PBX3: variants seen among roughly 807,000 people sequenced by gnomAD.
PBX3 encodes the protein PBX homeobox 3.
In PBX3, 14 loss-of-function variants were observed where a neutral mutation model predicts 48.5. The ratio of observed to expected loss-of-function variants is 0.29; its 90% CI spans 0.19 to 0.45. PBX3 has a LOEUF of 0.45. Among genes scored for constraint, PBX3 ranks in the 20% least tolerant of loss-of-function variants. The pLI, the probability that PBX3 is intolerant of heterozygous loss-of-function variation, is 1.00. For missense variants in PBX3, 386 were observed against 546.7 expected, an observed-to-expected ratio of 0.71 and a Z score of 2.93; for synonymous variants, 210 against 200.3, an observed-to-expected ratio of 1.05 and a Z score of -0.41.
chr9:125,926,903 C>T (rs1374706752), intron 3 of PBX3, among the ~76,000 whole-genome samples: 1 of 152,090 alleles, frequency 6.6e-6, no homozygotes, highest in Non-Finnish European at 1.5e-5. Flanking sequence ...TTGGTTTCTG[C>T]CTTCAACTTC....
intron 3 of PBX3, among the ~76,000 whole-genome samples, chr9:125,918,412 ACATGTATATGC>A (rs1841381878): frequency 6.6e-6 from 1 of 152,176 alleles, no homozygotes; most frequent in Non-Finnish European, 1.5e-5. Context: ...TTTAAAATAT[ACATGTATATGC>A]ATGTTCTTCA....
intron 2 of PBX3, among the ~76,000 whole-genome samples, chr9:125,854,097 A>G (rs11789020): frequency 0.54 from 81,701 of 151,902 alleles, 23,145 homozygotes; most frequent in South Asian, 0.63. Context: ...ACCAATATAG[A>G]CCTGCTATTT....
intron 2 of PBX3, among the ~76,000 whole-genome samples, chr9:125,901,460 G>C (rs974868610): frequency 6.6e-5 from 10 of 151,598 alleles, no homozygotes; most frequent in Admixed American, 4.0e-4. Flanking sequence ...TCTTAATGAA[G>C]CCTGAAGTTA....
chr9:125,899,580 G>A (rs1840893264), intron 2 of PBX3, among the ~76,000 whole-genome samples: 1 of 150,446 alleles, frequency 6.6e-6, no homozygotes, highest in Non-Finnish European at 1.5e-5. Flanking sequence ...AAATGCAGTT[G>A]ATAGTCTTAC....
At chr9:125,848,904 T>C (rs1468181904) in intron 2 of PBX3, among the ~76,000 whole-genome samples, 3 of 152,016 alleles carry the variant, frequency 2.0e-5, no homozygotes, top group African/African-American at 4.8e-5. Context: ...GTCAAGTATC[T>C]ATTAGCTTTT....
rs74992715 is a variant in PBX3, at chr9:125,801,585, A to G, written c.274+52962A>G. 3.5e-3 allele frequency among the ~76,000 whole-genome samples: 528 copies of G among 152,216 alleles called. 3 individuals are homozygous for G. Among genetic ancestry groups the G allele is most frequent in the African/African-American group, 0.012 (510 of 41,526 alleles). On this transcript the variant is annotated intron_variant, in intron 2 of 8. Coordinates refer to ENST00000373489, the MANE Select transcript of PBX3 (RefSeq NM_006195.6). The stretch of plus-strand genomic sequence containing the variant: ...TAAGAAAATGCTGTTCCTGATAAAG[A>G]TTTTTTGCAGAAATTTCTCTCCCTT...
At chr9:125,826,281 A>C (rs1838804829) in intron 2 of PBX3, among the ~76,000 whole-genome samples, 1 of 152,180 alleles carries the variant, frequency 6.6e-6, no homozygotes, top group Non-Finnish European at 1.5e-5. Flanking sequence ...TTTAAATTCA[A>C]ATAATTTATT....
intron 2 of PBX3, among the ~76,000 whole-genome samples, chr9:125,899,489 C>A (rs1295174234): frequency 1.0e-4 from 14 of 138,792 alleles, no homozygotes; most frequent in South Asian, 2.4e-4. Flanking sequence ...AGAGAGAGAG[C>A]TCACCCACAG....
intron 2 of PBX3, among the ~76,000 whole-genome samples, chr9:125,796,670 A>G (rs1231711238): frequency 6.6e-6 from 1 of 151,944 alleles, no homozygotes; most frequent in African/African-American, 2.4e-5. Context: ...GAGCCCATCC[A>G]CTCCAAGGAG....
chr9:125,961,845 T>A (rs1287041061), intron 6 of PBX3, among the ~76,000 whole-genome samples: 1 of 152,218 alleles, frequency 6.6e-6, no homozygotes, highest in Non-Finnish European at 1.5e-5. Context: ...CTTTTTAATT[T>A]ATTTTGATTT....
chr9:125,898,939 A>C (rs1840840178), intron 2 of PBX3, among the ~76,000 whole-genome samples: 3 of 151,620 alleles, frequency 2.0e-5, no homozygotes, highest in Admixed American at 1.3e-4. Flanking sequence ...ATGAAATAGA[A>C]ATGGTTGAAT....
At chr9:125,959,421 G>A (rs1213557555) in intron 5 of PBX3, among the ~76,000 whole-genome samples, 2 of 152,250 alleles carry the variant, frequency 1.3e-5, no homozygotes, top group Non-Finnish European at 2.9e-5. Context: ...ATAATCCCCA[G>A]GATGGACAGC....
In PBX3 at chr9:125,892,834, G is replaced by A. The variant is rs575805067; in HGVS notation, c.275-22852G>A. On this transcript the variant is annotated intron_variant, in intron 2 of 8. Coordinates refer to ENST00000373489, the MANE Select transcript of PBX3 (RefSeq NM_006195.6). ...TGGAAATAGGAATTGAAATGATTTA[G>A]GTTTGGAGGCTGAATATTTGCTTTG... 4.6e-5 allele frequency among the ~76,000 whole-genome samples: 7 copies of A among 152,270 alleles called. No homozygotes were observed. In the South Asian group the frequency reaches 1.2e-3, roughly 27 times the overall value.
At chr9:125,843,870 C>A (rs1839354540) in intron 2 of PBX3, 1 of 454,408 alleles carries the variant, frequency 2.2e-6, no homozygotes, top group African/African-American at 2.0e-5. Flanking sequence ...TTAATGGGGT[C>A]ATTTGGAAGG....
intron 2 of PBX3, among the ~76,000 whole-genome samples, chr9:125,761,246 C>A (rs1588122826): frequency 6.7e-6 from 1 of 150,272 alleles, no homozygotes; most frequent in South Asian, 2.1e-4. Context: ...TAGCTACATT[C>A]TTTATTATGG....
intron 2 of PBX3, among the ~76,000 whole-genome samples, chr9:125,792,859 C>A (rs1004093668): frequency 6.6e-6 from 1 of 151,568 alleles, no homozygotes; most frequent in Non-Finnish European, 1.5e-5. Flanking sequence ...CCACCACGCC[C>A]GGCTAATTTT....
chr9:125,761,659 C>G (rs1836670914), intron 2 of PBX3, among the ~76,000 whole-genome samples: 1 of 152,102 alleles, frequency 6.6e-6, no homozygotes, highest in South Asian at 2.1e-4. Context: ...CCCTACCTTT[C>G]TAATAAAGTG....
intron 2 of PBX3, among the ~76,000 whole-genome samples, chr9:125,798,719 A>G (rs989116806): frequency 4.6e-5 from 7 of 152,238 alleles, no homozygotes; most frequent in South Asian, 2.1e-4. Context: ...TCTTCCTGGT[A>G]ACACATATAT....
At chr9:125,896,703 A>G (rs995541424) in intron 2 of PBX3, among the ~76,000 whole-genome samples, 5 of 152,036 alleles carry the variant, frequency 3.3e-5, no homozygotes, top group Admixed American at 6.6e-5. Flanking sequence ...TTAACCTGCA[A>G]GCTAATTAGC....
Sources: allele counts gnomAD v4.1 joint callset (sites outside exome capture counted in the v4.1 genomes callset), GRCh38; gene constraint gnomAD v4.1.1; transcripts MANE v1.5; gene names NCBI Gene and HGNC (gene_info 2026-07-23, HGNC 2026-07-21).